The following LDHC variants were observed in gnomAD, a reference collection of about 807,000 sequenced individuals.
The protein encoded by LDHC is L-lactate dehydrogenase C chain.
LDHC carries 20 observed loss-of-function variants against 30.2 expected under a neutral mutation model. That is an observed-to-expected ratio of 0.66 (90% CI 0.47 to 0.96). The LOEUF (loss-of-function observed/expected upper bound fraction) is 0.96, where lower values mean the gene tolerates loss of function less well. Among genes scored for constraint, LDHC ranks in the 40% least tolerant of loss-of-function variants. The pLI is 0.00. For synonymous variants in LDHC, 139 were observed against 132.7 expected, an observed-to-expected ratio of 1.05 and a Z score of -0.32; for missense variants, 362 against 394.9, an observed-to-expected ratio of 0.92 and a Z score of 0.71.
chr11:18,429,825 A>T lies in LDHC; in HGVS notation c.333A>T (p.Gln111His), dbSNP rs144306480. Residue 111 changes from glutamine (Q) to histidine (H), a missense_variant, in exon 4 of 8, where the codon CAA becomes CAT. Transcript: ENST00000541669. ...QEGETRLALV[Q>H]RNVAIMKSII... ...GAGAAACTCGCCTTGCCCTGGTCCA[A>T]CGTAATGTGGCTATAATGAAATCAA... is the stretch of plus-strand genomic sequence containing the variant. 1 of 1,611,948 alleles carries T rather than the reference A, an allele frequency of 6.2e-7. No individual in the cohort carries two copies. Among genetic ancestry groups the T allele is most frequent in the Non-Finnish European group, 8.5e-7 (1 of 1,178,068 alleles).
chr11:18,421,641 C>T (rs1431897680), intron 3 of LDHC, among the ~76,000 whole-genome samples: 1 of 151,486 alleles, frequency 6.6e-6, no homozygotes, highest in Non-Finnish European at 1.5e-5. Flanking sequence ...CCATTACACT[C>T]CAGCCTGGGT....
At chr11:18,447,983 A>G (rs1848583494) in intron 7 of LDHC, among the ~76,000 whole-genome samples, 1 of 151,070 alleles carries the variant, frequency 6.6e-6, no homozygotes, top group Admixed American at 6.6e-5. Context: ...CAGGAGGTAC[A>G]AGCTGCAGTG....
At chr11:18,440,845 C>A (rs1848452154) in intron 6 of LDHC, among the ~76,000 whole-genome samples, 1 of 151,792 alleles carries the variant, frequency 6.6e-6, no homozygotes, top group Admixed American at 6.6e-5. Context: ...AGGAAGATCA[C>A]TTGAGCCCAG....
At chr11:18,432,821 T>C (rs1446145424) in intron 4 of LDHC, among the ~76,000 whole-genome samples, 1 of 152,240 alleles carries the variant, frequency 6.6e-6, no homozygotes, top group Non-Finnish European at 1.5e-5. Flanking sequence ...GAAATGCCTT[T>C]TTCCACCCCT....
At chr11:18,425,762 AC>A (rs1848150359) in intron 3 of LDHC, among the ~76,000 whole-genome samples, 1 of 150,784 alleles carries the variant, frequency 6.6e-6, no homozygotes, top group Admixed American at 6.6e-5. Context: ...ACGCGGTGAA[AC>A]CCCTTCTCTA....
chr11:18,443,981 C>T (rs1848507823), intron 6 of LDHC, among the ~76,000 whole-genome samples: 1 of 152,154 alleles, frequency 6.6e-6, no homozygotes, highest in Admixed American at 6.5e-5. Flanking sequence ...CAGGGTGCTG[C>T]TAATATTTAT....
chr11:18,428,598 C>T (rs1848206848), intron 3 of LDHC, among the ~76,000 whole-genome samples: 2 of 152,014 alleles, frequency 1.3e-5, no homozygotes, highest in Non-Finnish European at 2.9e-5. Flanking sequence ...TATGAAGCCA[C>T]ATGTGGTAGC....
intron 5 of LDHC, among the ~76,000 whole-genome samples, chr11:18,435,132 A>G (rs890449600): frequency 6.6e-6 from 1 of 152,308 alleles, no homozygotes; most frequent in South Asian, 2.1e-4. Context: ...AGCTGTTTTA[A>G]TAGTCAATAT....
At chr11:18,415,542 C>T (rs567246980) in intron 3 of LDHC, among the ~76,000 whole-genome samples, 20 of 152,160 alleles carry the variant, frequency 1.3e-4, no homozygotes, top group African/African-American at 4.3e-4. Context: ...AGTGATTCTC[C>T]TGCCTCGGTC....
intron 6 of LDHC, among the ~76,000 whole-genome samples, chr11:18,440,060 G>A (rs1190346527): frequency 6.6e-6 from 1 of 150,752 alleles, no homozygotes; most frequent in African/African-American, 2.4e-5. Flanking sequence ...CCAGCATTTT[G>A]GAAGGCCTAG....
chr11:18,439,836 A>AAAC lies in LDHC; in HGVS notation c.710+1191_710+1192insAAC, dbSNP rs760393088. Reference sequence around the variant, plus strand: ...TAAAAAAAAAAAAAAAAAAAAAAAAACAAAAATTAGCCAGCTGTGGTTGTG... The same window carrying AAAC: ...TAAAAAAAAAAAAAAAAAAAAAAAAAAACCAAAAATTAGCCAGCTGTGGTTGTG... On this transcript the variant is annotated intron_variant, in intron 6 of 7. Transcript: ENST00000541669. 9.8e-3 allele frequency among the ~76,000 whole-genome samples: 1,345 copies of AAAC among 137,198 alleles called. 26 individuals carry two copies. Among genetic ancestry groups the AAAC allele is most frequent in the African/African-American group, 0.035 (1,242 of 35,312 alleles). 90.0% of individuals were successfully genotyped at this position (137,198 alleles called of 152,430 possible).
intron 3 of LDHC, among the ~76,000 whole-genome samples, chr11:18,417,899 T>A (rs1459572504): frequency 2.6e-5 from 4 of 152,108 alleles, no homozygotes; most frequent in Non-Finnish European, 4.4e-5. Context: ...TGAGACCCTG[T>A]CTCCATTGTG....
At chr11:18,427,442 A>G (rs751156136) in intron 3 of LDHC, among the ~76,000 whole-genome samples, 7 of 152,178 alleles carry the variant, frequency 4.6e-5, no homozygotes, top group Non-Finnish European at 8.8e-5. Context: ...TTAGAGGGGT[A>G]GGCAAAGTAA....
intron 3 of LDHC, among the ~76,000 whole-genome samples, chr11:18,418,996 T>G (rs1451341503): frequency 6.6e-6 from 1 of 152,172 alleles, no homozygotes; most frequent in African/African-American, 2.4e-5. Flanking sequence ...CCAAACATGG[T>G]GGACATCAAT....
chr11:18,426,698 CAGTA>C (rs1848167517), intron 3 of LDHC, among the ~76,000 whole-genome samples: 1 of 151,904 alleles, frequency 6.6e-6, no homozygotes, highest in African/African-American at 2.4e-5. Flanking sequence ...TAATTATAGG[CAGTA>C]AGTGCTATAA....
At chr11:18,448,255 C>G (rs540786181) in intron 7 of LDHC, among the ~76,000 whole-genome samples, 1 of 152,106 alleles carries the variant, frequency 6.6e-6, no homozygotes, top group South Asian at 2.1e-4. Context: ...CTTTACCGAA[C>G]AAGTCAATGG....
intron 3 of LDHC, among the ~76,000 whole-genome samples, chr11:18,426,004 G>A (rs1457201916): frequency 6.7e-6 from 1 of 150,150 alleles, no homozygotes; most frequent in Non-Finnish European, 1.5e-5. Flanking sequence ...GAAGAGCAAT[G>A]ATGGAACATC....
chr11:18,434,697 A>T, intron 4 of LDHC, 43 bp from the exon 5 acceptor site: 1 of 1,321,422 alleles, frequency 7.6e-7, no homozygotes, highest in Admixed American at 2.0e-5. Flanking sequence ...AATTTTTTTA[A>T]GTTATGATGA....
intron 7 of LDHC, among the ~76,000 whole-genome samples, chr11:18,446,646 C>T (rs907752144): frequency 2.0e-5 from 3 of 152,136 alleles, no homozygotes; most frequent in African/African-American, 7.2e-5. Flanking sequence ...ACTGAAATGC[C>T]AAGGAGGCCT....
Sources: allele counts gnomAD v4.1 joint callset (sites outside exome capture counted in the v4.1 genomes callset), GRCh38; gene constraint gnomAD v4.1.1; transcripts MANE v1.5; gene names NCBI Gene and HGNC (gene_info 2026-07-23, HGNC 2026-07-21).